Variants in LSAMP observed in about 807,000 individuals in gnomAD.
The protein encoded by LSAMP is limbic system-associated membrane protein.
In LSAMP, 7 loss-of-function variants were observed where a neutral mutation model predicts 38.6. The ratio of observed to expected loss-of-function variants is 0.18; its 90% CI spans 0.10 to 0.34. The LOEUF (loss-of-function observed/expected upper bound fraction) is 0.34. LSAMP is among the 10% of genes least tolerant of loss of function. The pLI is 1.00. For synonymous variants in LSAMP, 154 were observed against 166.8 expected, an observed-to-expected ratio of 0.92 and a Z score of 0.59; for missense variants, 313 against 420.0, an observed-to-expected ratio of 0.75 and a Z score of 2.23.
At chr3:116,132,901 C>T (rs1393757627) in intron 1 of LSAMP, among the ~76,000 whole-genome samples, 1 of 152,152 alleles carries the variant, frequency 6.6e-6, no homozygotes, top group Non-Finnish European at 1.5e-5. Flanking sequence ...TCAATCTAGT[C>T]CCTGTTCCTT....
chr3:116,347,849 C>T (rs914201632), intron 1 of LSAMP, among the ~76,000 whole-genome samples: 5 of 151,256 alleles, frequency 3.3e-5, no homozygotes, highest in Non-Finnish European at 7.4e-5. Context: ...AGAAAAATAT[C>T]GAATGAGAAA....
chr3:116,259,257 C>A (rs766955708), intron 1 of LSAMP, among the ~76,000 whole-genome samples: 24 of 152,130 alleles, frequency 1.6e-4, no homozygotes, highest in Non-Finnish European at 4.4e-5. Flanking sequence ...CAATCAATTG[C>A]ATTTACTCAA....
chr3:116,439,153 G>A (rs1402556810), intron 1 of LSAMP, among the ~76,000 whole-genome samples: 1 of 152,114 alleles, frequency 6.6e-6, no homozygotes, highest in East Asian at 1.9e-4. Flanking sequence ...ATATGTGGCA[G>A]CAGTATTTTT....
chr3:116,156,506 G>C (rs1029687625), intron 1 of LSAMP, among the ~76,000 whole-genome samples: 12 of 152,054 alleles, frequency 7.9e-5, no homozygotes, highest in Admixed American at 7.2e-4. Flanking sequence ...GGATGTCGGT[G>C]GACAGAAAGT....
chr3:116,410,685 A>G (rs982017852), intron 1 of LSAMP, among the ~76,000 whole-genome samples: 1 of 152,054 alleles, frequency 6.6e-6, no homozygotes, highest in Admixed American at 6.6e-5. Flanking sequence ...GATGCTTCCT[A>G]GAATTCTTTT....
At chr3:116,420,669 G>T (rs1031565523) in intron 1 of LSAMP, among the ~76,000 whole-genome samples, 1 of 151,530 alleles carries the variant, frequency 6.6e-6, no homozygotes, top group Non-Finnish European at 1.5e-5. Flanking sequence ...TCAGGAATTC[G>T]AGACCAGCCT....
intron 3 of LSAMP, among the ~76,000 whole-genome samples, chr3:115,871,025 A>G (rs2107394604): frequency 6.6e-6 from 1 of 152,276 alleles, no homozygotes; most frequent in Non-Finnish European, 1.5e-5. Context: ...AAGATGGGAA[A>G]GAAATACATA....
chr3:116,376,154 A>G (rs2048490202), intron 1 of LSAMP, among the ~76,000 whole-genome samples: 1 of 152,036 alleles, frequency 6.6e-6, no homozygotes, highest in African/African-American at 2.4e-5. Flanking sequence ...CTGCAGTTAG[A>G]TATTTTGAGT....
At chr3:115,866,613 T>A (rs1011602390) in intron 3 of LSAMP, among the ~76,000 whole-genome samples, 3 of 152,082 alleles carry the variant, frequency 2.0e-5, no homozygotes. Flanking sequence ...AATCTGTAAA[T>A]AGATGAGAAA....
chr3:115,936,222 A>T (rs1347702520), intron 3 of LSAMP, among the ~76,000 whole-genome samples: 1 of 152,210 alleles, frequency 6.6e-6, no homozygotes, highest in Admixed American at 6.5e-5. Flanking sequence ...TGGTAGCTAG[A>T]ATAGCTAAGG....
chr3:116,401,937 A>G (rs2048846204), intron 1 of LSAMP, among the ~76,000 whole-genome samples: 1 of 152,172 alleles, frequency 6.6e-6, no homozygotes, highest in Non-Finnish European at 1.5e-5. Context: ...AGTAGGTAGT[A>G]TTGGTAGGTA....
intron 1 of LSAMP, among the ~76,000 whole-genome samples, chr3:116,124,400 C>A (rs1339708303): frequency 6.6e-6 from 1 of 152,112 alleles, no homozygotes; most frequent in Non-Finnish European, 1.5e-5. Context: ...TGACACTGAT[C>A]CAGTCTTTGA....
chr3:116,011,255 G>A (rs1411826030), intron 3 of LSAMP, among the ~76,000 whole-genome samples: 2 of 152,068 alleles, frequency 1.3e-5, no homozygotes, highest in Non-Finnish European at 1.5e-5. Flanking sequence ...GAATGAATGA[G>A]CACATAGTTA....
chr3:115,827,746 C>G (rs945160575), intron 6 of LSAMP, among the ~76,000 whole-genome samples: 1 of 152,100 alleles, frequency 6.6e-6, no homozygotes, highest in Non-Finnish European at 1.5e-5. Flanking sequence ...TCCGTGGAGT[C>G]CTAGTGAGTA....
intron 6 of LSAMP, among the ~76,000 whole-genome samples, chr3:115,830,583 G>A (rs1293004057): frequency 1.3e-5 from 2 of 152,146 alleles, no homozygotes; most frequent in Non-Finnish European, 2.9e-5. Context: ...AACTCTAATG[G>A]TACATGAGAA....
At chr3:116,346,556 T>C (rs1030032212) in intron 1 of LSAMP, among the ~76,000 whole-genome samples, 17 of 152,126 alleles carry the variant, frequency 1.1e-4, no homozygotes, top group Admixed American at 7.9e-4. Context: ...CTCAAACTCC[T>C]GAGCTCAAGC....
intron 6 of LSAMP, among the ~76,000 whole-genome samples, chr3:115,829,042 T>C (rs1934521783): frequency 2.0e-5 from 3 of 152,218 alleles, no homozygotes. Flanking sequence ...GTCATTTAGC[T>C]TGAAGCTAAA....
chr3:116,355,859 A>T (rs2048215488), intron 1 of LSAMP, among the ~76,000 whole-genome samples: 2 of 152,196 alleles, frequency 1.3e-5, no homozygotes, highest in African/African-American at 2.4e-5. Flanking sequence ...AAAAATGCAA[A>T]TCAAAACTAC....
intron 3 of LSAMP, among the ~76,000 whole-genome samples, chr3:115,981,893 G>A (rs1435680655): frequency 6.6e-6 from 1 of 152,126 alleles, no homozygotes; most frequent in Non-Finnish European, 1.5e-5. Flanking sequence ...CCTTTACATA[G>A]TTATCTAAAG....
Sources: allele counts gnomAD v4.1 joint callset (sites outside exome capture counted in the v4.1 genomes callset), GRCh38; gene constraint gnomAD v4.1.1; transcripts MANE v1.5; gene names NCBI Gene and HGNC (gene_info 2026-07-23, HGNC 2026-07-21).